The following ITGA9 variants were observed in gnomAD, a reference collection of about 807,000 sequenced individuals.
The protein encoded by ITGA9 is integrin alpha-9.
ITGA9 carries 56 observed loss-of-function variants against 127.8 expected under a neutral mutation model. That is an observed-to-expected ratio of 0.44 (90% CI 0.35 to 0.55). ITGA9 has a LOEUF of 0.55. Ranked by LOEUF, ITGA9 falls within the 20% of genes least tolerant of loss-of-function variation. The pLI is 0.00. For synonymous variants in ITGA9, 508 were observed against 514.5 expected (o/e 0.99, Z 0.17); for missense variants, 1,196 against 1,347.1 (o/e 0.89, Z 1.76).
intron 18 of ITGA9, among the ~76,000 whole-genome samples, chr3:37,687,740 G>A (rs186097290): frequency 3.9e-4 from 60 of 152,192 alleles, no homozygotes; most frequent in Non-Finnish European, 5.7e-4. Context: ...CCATTGTGAC[G>A]TCAAAATAAA....
At chr3:37,669,449 G>A (rs992536478) in intron 17 of ITGA9, among the ~76,000 whole-genome samples, 10 of 152,190 alleles carry the variant, frequency 6.6e-5, no homozygotes, top group African/African-American at 1.2e-4. Context: ...TCCCTGGCTC[G>A]CCAACAGATC....
intron 17 of ITGA9, among the ~76,000 whole-genome samples, chr3:37,673,958 A>G (rs1364228723): frequency 6.6e-6 from 1 of 152,184 alleles, no homozygotes; most frequent in African/African-American, 2.4e-5. Context: ...TTCTAGCTCC[A>G]TTACAGAGAT....
At chr3:37,765,254 C>T (rs960358272) in intron 23 of ITGA9, among the ~76,000 whole-genome samples, 1 of 152,082 alleles carries the variant, frequency 6.6e-6, no homozygotes, top group South Asian at 2.1e-4. Context: ...TCCTTTAACC[C>T]ATGGCAGAGG....
chr3:37,452,604 G>A lies in ITGA9; in HGVS notation c.185+45G>A, dbSNP rs1559510202. On this transcript the variant is annotated intron_variant, in intron 1 of 27. Transcript: ENST00000264741. This position sits in a 1 kb window ranked among gnomAD's most constrained non-coding sequence, Gnocchi z 7.3. ...CGCGACCCTGGCCCGCGCGGCCACC[G>A]CCCCGGCCCCCAGGCCAGCGCCGCC... The A allele has an allele frequency of 6.2e-6, 9 of 1,460,058 alleles. No homozygotes were observed. The highest frequency in any genetic ancestry group is 3.0e-5 in the East Asian group (1 of 33,176). The allele number at this position is 1,460,058 out of a possible 1,614,324, so 90.4% of individuals were successfully genotyped here.
intron 16 of ITGA9, among the ~76,000 whole-genome samples, chr3:37,650,665 C>G (rs948724011): frequency 6.6e-6 from 1 of 152,076 alleles, no homozygotes; most frequent in Non-Finnish European, 1.5e-5. Context: ...CTCCTGACTT[C>G]AGGTGATCAC....
intron 1 of ITGA9, among the ~76,000 whole-genome samples, chr3:37,470,705 T>C (rs945212947): frequency 2.0e-5 from 3 of 152,120 alleles, no homozygotes; most frequent in Admixed American, 6.6e-5. Flanking sequence ...GGATTTGCCA[T>C]GTCACCCAGG....
intron 15 of ITGA9, among the ~76,000 whole-genome samples, chr3:37,560,106 G>A (rs1020271872): frequency 2.9e-5 from 4 of 139,620 alleles, no homozygotes; most frequent in Admixed American, 7.2e-5. Context: ...CCCCCAGCCC[G>A]CCACCCCCCG....
intron 23 of ITGA9, among the ~76,000 whole-genome samples, chr3:37,764,934 C>A (rs769099357): frequency 6.6e-6 from 1 of 152,204 alleles, no homozygotes; most frequent in Non-Finnish European, 1.5e-5. Context: ...CCATTACTCT[C>A]TATCTCATTT....
intron 15 of ITGA9, among the ~76,000 whole-genome samples, chr3:37,621,653 G>A (rs1700130055): frequency 6.6e-6 from 1 of 152,140 alleles, no homozygotes; most frequent in Admixed American, 6.5e-5. Flanking sequence ...AGAGAAAAAA[G>A]CATCAGTGGG....
intron 5 of ITGA9, among the ~76,000 whole-genome samples, chr3:37,498,987 G>A (rs1698761209): frequency 1.3e-5 from 2 of 152,202 alleles, no homozygotes; most frequent in Admixed American, 1.3e-4. Flanking sequence ...AGCTGGACAT[G>A]GATCTGTGGC....
chr3:37,688,043 C>T (rs1327935173), intron 18 of ITGA9, among the ~76,000 whole-genome samples: 1 of 152,218 alleles, frequency 6.6e-6, no homozygotes, highest in Non-Finnish European at 1.5e-5. Flanking sequence ...GGACCGATCC[C>T]CCAGCTCCTG....
chr3:37,624,808 CG>C lies in ITGA9; in HGVS notation c.1690-4378del, dbSNP rs1420640344. ...TTTTAGTAGAGATGGGGTTTCACCA[CG>C]TTGGCCAGGCTGGTCTCAAACTTCT... On this transcript the variant is annotated intron_variant, in intron 15 of 27. Coordinates refer to ENST00000264741, the MANE Select transcript of ITGA9 (RefSeq NM_002207.3). Among the ~76,000 whole-genome samples, 3 of 150,222 alleles carry C rather than the reference CG, an allele frequency of 2.0e-5. No homozygotes were observed. The East Asian group carries it at 5.9e-4, about 30-fold the overall frequency.
chr3:37,705,002 C>A (rs1002532486), intron 18 of ITGA9, among the ~76,000 whole-genome samples: 2 of 152,176 alleles, frequency 1.3e-5, no homozygotes, highest in South Asian at 2.1e-4. Context: ...CAAAGATAAC[C>A]ATTTACTCTG....
At chr3:37,682,508 A>G (rs181353049) in intron 17 of ITGA9, among the ~76,000 whole-genome samples, 6 of 151,456 alleles carry the variant, frequency 4.0e-5, no homozygotes, top group Admixed American at 1.3e-4. Flanking sequence ...CTCATCTTCA[A>G]CTCCTAAATG....
chr3:37,625,223 G>A (rs186265297), intron 15 of ITGA9, among the ~76,000 whole-genome samples: 2 of 152,072 alleles, frequency 1.3e-5, no homozygotes, highest in Non-Finnish European at 1.5e-5. Flanking sequence ...TGAACCTTTG[G>A]GTCCCCAAAG....
intron 6 of ITGA9, among the ~76,000 whole-genome samples, chr3:37,504,705 G>A (rs1157861880): frequency 6.6e-6 from 1 of 152,154 alleles, no homozygotes; most frequent in Non-Finnish European, 1.5e-5. Context: ...CACATTAGAG[G>A]CTCTTATCAG....
At chr3:37,523,638 T>C in intron 12 of ITGA9, 27 bp downstream of exon 12, 5 of 1,468,930 alleles carry the variant, frequency 3.4e-6, no homozygotes, top group Non-Finnish European at 4.8e-6. Context: ...TAAAGGCACA[T>C]GAGATAAATG....
At chr3:37,591,605 A>C (rs192911503) in intron 15 of ITGA9, among the ~76,000 whole-genome samples, 48 of 152,322 alleles carry the variant, frequency 3.2e-4, no homozygotes, top group Admixed American at 7.2e-4. Flanking sequence ...CCTCAGCTGT[A>C]GACCTCGGGG....
rs1698424673 is a variant in ITGA9, at chr3:37,470,988, C to T, written c.186-19C>T. ...TCTTATCGTAGGTTGTGACAGAATG[C>T]CTTTTTCTCTTGCTGCAGGGTCCTT... On this transcript the variant is annotated intron_variant, in intron 1 of 27. Coordinates refer to ENST00000264741, the MANE Select transcript of ITGA9 (RefSeq NM_002207.3). The T allele has an allele frequency of 6.2e-7, 1 of 1,613,774 alleles. No individual in the cohort carries two copies. The highest frequency in any genetic ancestry group is 1.7e-5 in the Admixed American group (1 of 60,000).
Sources: gnomAD v4.1 joint callset for allele counts (sites outside exome capture counted in the v4.1 genomes callset) on GRCh38, gnomAD v4.1.1 for gene constraint, Gnocchi (gnomAD v3.1) non-coding constraint, MANE v1.5 for transcripts, NCBI Gene and HGNC (gene_info 2026-07-23, HGNC 2026-07-21) for gene names.